GLG1: variants seen among roughly 807,000 people sequenced by gnomAD.
GLG1 encodes the protein Golgi apparatus protein 1.
GLG1 carries 38 observed loss-of-function variants against 160.5 expected under a neutral mutation model. The ratio of observed to expected loss-of-function variants is 0.24; its 90% CI spans 0.18 to 0.31. The LOEUF is 0.31. Ranked by LOEUF, GLG1 falls within the 10% of genes least tolerant of loss-of-function variation. GLG1 has a pLI of 1.00. For synonymous variants in GLG1, 644 were observed against 543.4 expected, an observed-to-expected ratio of 1.19 and a Z score of -2.57; for missense variants, 1,373 against 1,505.2, an observed-to-expected ratio of 0.91 and a Z score of 1.45.
In GLG1 at chr16:74,462,520, T is replaced by C. The variant is rs141820227; in HGVS notation, c.2902A>G (p.Ile968Val). ...GCATATCTCAGCTTCAGGCAAGAGATGACTTGTCCTTCTAATTCTGAATCA... is the reference window on the plus strand; with the variant it reads ...GCATATCTCAGCTTCAGGCAAGAGACGACTTGTCCTTCTAATTCTGAATCA... Reference protein sequence around the residue: ...KDDSELEGQVISCLKLRYADQ... With the variant: ...KDDSELEGQVVSCLKLRYADQ... Residue 968 changes from isoleucine to valine, a missense_variant, in exon 21 of 26, where the codon ATC becomes GTC. Physicochemically the swap from Ile to Val is conservative, Grantham distance 29 (BLOSUM62 3). Coordinates refer to ENST00000422840, the MANE Select transcript of GLG1 (RefSeq NM_001145667.2). 3.6e-5 allele frequency: 58 copies of C among 1,613,984 alleles called. 1 individual carries two copies. Among genetic ancestry groups the C allele is most frequent in the South Asian group, 8.8e-5 (8 of 91,090 alleles).
At chr16:74,470,355 TTCCC>T (rs1165909606) in intron 15 of GLG1, among the ~76,000 whole-genome samples, 3 of 138,554 alleles carry the variant, frequency 2.2e-5, no homozygotes, top group Non-Finnish European at 3.2e-5. Flanking sequence ...CCTTCCTTCC[TTCCC>T]TCCTTCCTTC....
chr16:74,527,747 G>C (rs1023591018), intron 2 of GLG1, among the ~76,000 whole-genome samples: 2 of 151,898 alleles, frequency 1.3e-5, no homozygotes, highest in African/African-American at 4.8e-5. Context: ...TTTTTTTTGA[G>C]ATAGAGTCTT....
At chr16:74,506,489 G>A (rs1242674078) in intron 3 of GLG1, among the ~76,000 whole-genome samples, 3 of 149,618 alleles carry the variant, frequency 2.0e-5, no homozygotes, top group Non-Finnish European at 4.4e-5. Flanking sequence ...GGCTGAGGCA[G>A]GAGAATGGCA....
At chr16:74,504,355 T>G (rs1481286450) in intron 3 of GLG1, among the ~76,000 whole-genome samples, 1 of 152,204 alleles carries the variant, frequency 6.6e-6, no homozygotes, top group Non-Finnish European at 1.5e-5. Flanking sequence ...TGACATGATC[T>G]CGGCTCACTG....
Position 74,459,685 on chromosome 16 carries a change from T to A in GLG1, c.3141A>T (p.Lys1047Asn), listed in dbSNP as rs757131915. 3 of 1,511,324 alleles carry A rather than the reference T, an allele frequency of 2.0e-6. No individual in the cohort carries two copies. In the South Asian group the frequency reaches 3.5e-5, roughly 18 times the overall value. The allele number at this position is 1,511,324 out of a possible 1,614,324, so 93.6% of individuals were successfully genotyped here. The change falls in exon 23 of 26, where the codon AAA (lysine) becomes AAT (asparagine). Residue 1047 changes from lysine (K) to asparagine (N), a missense_variant. By Grantham distance (94) the Lys-to-Asn change is moderately conservative (BLOSUM62 0). Transcript: ENST00000422840. ...AAAAGAAGGTGACGGTGGTTACCTT[T>A]TTACACAATTCTGTTTTGATCTTGA... The part of the protein sequence containing the change: ...NLLKIKTELC[K>N]KEVLNMLKES...
Position 74,462,575 on chromosome 16 carries a change from G to A in GLG1, c.2847C>T (p.Phe949=). The A allele has an allele frequency of 1.2e-6, 2 of 1,613,620 alleles. No homozygotes were observed. The highest frequency in any genetic ancestry group is 1.7e-6 in the Non-Finnish European group (2 of 1,179,486). ...TGGCCTTAGTCAGGATACCGTGACA[G>A]AATTTAGGAATGTCAGCTTTACAGG... ...RKACKADIPK[F]CHGILTKAKD... is the part of the protein sequence containing the mutation. The change falls in exon 21 of 26, where the codon TTC becomes TTT. Residue 949 remains phenylalanine (F), a synonymous_variant. Transcript: ENST00000422840.
intron 1 of GLG1, among the ~76,000 whole-genome samples, chr16:74,572,867 G>C (rs543374500): frequency 6.6e-6 from 1 of 152,322 alleles, no homozygotes; most frequent in African/African-American, 2.4e-5. Flanking sequence ...ACCTGTGTTT[G>C]AAACTGGCAT....
Position 74,493,040 on chromosome 16 carries a change from C to T in GLG1, c.1151G>A (p.Arg384Gln), listed in dbSNP as rs777791973. ...KSCKSDLKKY[R>Q]CNVENLPRSR... ...TCGCGGAAGGTTTTCCACATTGCAC[C>T]GGTATTTCTTCAAGTCACTTTTACA... The change falls in exon 7 of 26, where the codon CGG becomes CAG. Residue 384 changes from arginine (R) to glutamine (Q), a missense_variant. Physicochemically the swap from Arg to Gln is conservative, Grantham distance 43. Coordinates refer to ENST00000422840, the MANE Select transcript of GLG1 (RefSeq NM_001145667.2). 4.3e-6 allele frequency: 7 copies of T among 1,613,598 alleles called. No individual in the cohort carries two copies. Among genetic ancestry groups the T allele is most frequent in the Admixed American group, 1.7e-5 (1 of 59,970 alleles).
In GLG1 at chr16:74,490,990, T is replaced by C. The variant is rs898263809; in HGVS notation, c.1449+11A>G. On this transcript the variant is annotated intron_variant, in intron 8 of 25. Coordinates refer to ENST00000422840, the MANE Select transcript of GLG1 (RefSeq NM_001145667.2). ...GTGACATTCAAAATGGCAATAGCAA[T>C]GTCTCCTTACCGCCTGCTGGCAGTT... 1.3e-6 allele frequency: 2 copies of C among 1,594,804 alleles called. No individual in the cohort carries two copies. Among genetic ancestry groups the C allele is most frequent in the African/African-American group, 1.3e-5 (1 of 74,562 alleles).
intron 1 of GLG1, among the ~76,000 whole-genome samples, chr16:74,575,313 C>A (rs2018971033): frequency 6.6e-6 from 1 of 152,108 alleles, no homozygotes; most frequent in African/African-American, 2.4e-5. Flanking sequence ...GAATCACACA[C>A]TGATTTTGAG....
In GLG1 at chr16:74,607,009, T is replaced by G. The variant is rs759904910; in HGVS notation, c.86A>C (p.Lys29Thr). The change falls in exon 1 of 26, where the codon AAA becomes ACA. Residue 29 changes from lysine (K) to threonine (T), a missense_variant. Lys to Thr is a moderately conservative substitution (Grantham distance 78). Coordinates refer to ENST00000422840, the MANE Select transcript of GLG1 (RefSeq NM_001145667.2). ...GCTGTGGACGCCCTGGCCGGGGAGT[T>G]TCTCGGCCCCGGCCGCGAATAGCAG... ...LLLLFAAGAE[K>T]LPGQGVHSQG... 6.2e-7 allele frequency: 1 copy of G among 1,603,162 alleles called. No individual in the cohort carries two copies. Among genetic ancestry groups the G allele is most frequent in the South Asian group, 1.1e-5 (1 of 90,126 alleles).
chr16:74,566,710 G>C (rs2018663489), intron 1 of GLG1, among the ~76,000 whole-genome samples: 1 of 151,942 alleles, frequency 6.6e-6, no homozygotes, highest in Admixed American at 6.6e-5. Flanking sequence ...ACTTTCAAAA[G>C]TATAATTTTA....
chr16:74,463,729 TTTTTTG>T lies in GLG1; in HGVS notation c.2668-256_2668-251del, dbSNP rs895187977. Among the ~76,000 whole-genome samples, 91 of 59,952 alleles carry T rather than the reference TTTTTTG, an allele frequency of 1.5e-3. No homozygotes were observed. The South Asian group carries it at 0.036, about 23-fold the overall frequency. The allele number at this position is 59,952 out of a possible 152,430, so 39.3% of individuals were successfully genotyped here. ...ACCACGCCCAGCTCATTTTTGTGTT[TTTTTTG>T]TTGTTGTTGTTGTTGTTTTAGCAGA... On this transcript the variant is annotated intron_variant, in intron 19 of 25. Coordinates refer to ENST00000422840, the MANE Select transcript of GLG1 (RefSeq NM_001145667.2).
At chr16:74,490,860 G>T in intron 8 of GLG1, 141 bp downstream of exon 8, 1 of 633,944 alleles carries the variant, frequency 1.6e-6, no homozygotes, top group South Asian at 2.0e-5. Context: ...AAGAAGCAAC[G>T]TTCAGTCTCT....
chr16:74,501,599 G>A (rs1049183780), intron 4 of GLG1, among the ~76,000 whole-genome samples: 1 of 152,174 alleles, frequency 6.6e-6, no homozygotes, highest in Non-Finnish European at 1.5e-5. Flanking sequence ...GTGGTTACCA[G>A]GCAAGAACTA....
At chr16:74,453,472 T>A in intron 25 of GLG1, 138 bp from the exon 26 acceptor site, 2 of 617,198 alleles carry the variant, frequency 3.2e-6, no homozygotes, top group Non-Finnish European at 2.9e-6. Flanking sequence ...ATAAGAAAAA[T>A]CAACACAGAG....
At chr16:74,587,075 G>A (rs763365639) in intron 1 of GLG1, among the ~76,000 whole-genome samples, 1 of 152,110 alleles carries the variant, frequency 6.6e-6, no homozygotes, top group Non-Finnish European at 1.5e-5. Flanking sequence ...AAGAAGTAAT[G>A]ATTTCTACTT....
At chr16:74,523,912 T>C (rs545538659) in intron 2 of GLG1, among the ~76,000 whole-genome samples, 8 of 152,016 alleles carry the variant, frequency 5.3e-5, no homozygotes, top group South Asian at 2.1e-4. Context: ...TGATAGTGCA[T>C]TTTAAAAAAA....
chr16:74,506,581 C>CAAAATAAA (rs2016613701), intron 3 of GLG1, among the ~76,000 whole-genome samples: 1 of 39,048 alleles, frequency 2.6e-5, no homozygotes. Context: ...GACTCCGTCT[C>CAAAATAAA]AAAAAAAAAA....
Sources: gnomAD v4.1 joint callset for allele counts (sites outside exome capture counted in the v4.1 genomes callset) on GRCh38, gnomAD v4.1.1 for gene constraint, MANE v1.5 for transcripts, NCBI Gene and HGNC (gene_info 2026-07-23, HGNC 2026-07-21) for gene names.